The following DMD variants were observed in gnomAD, a reference collection of about 807,000 sequenced individuals.
The protein encoded by DMD is mutant dystrophin.
A neutral mutation model predicts 330.1 loss-of-function variants in DMD; 63 were observed. The ratio of observed to expected loss-of-function variants is 0.19; its 90% CI spans 0.16 to 0.24. The LOEUF (loss-of-function observed/expected upper bound fraction) is 0.24, where lower values mean the gene tolerates loss of function less well. Ranked by LOEUF, DMD falls within the 10% of genes least tolerant of loss-of-function variation. DMD has a pLI of 1.00. For synonymous variants in DMD, 1,223 were observed against 959.8 expected, an observed-to-expected ratio of 1.27 and a Z score of -5.07; for missense variants, 3,344 against 2,684.1, an observed-to-expected ratio of 1.25 and a Z score of -5.43.
At chrX:32,928,008 G>C (rs1789467872) in intron 2 of DMD, among the ~76,000 whole-genome samples, 1 of 110,907 alleles carries the variant, frequency 9.0e-6, no homozygotes, top group African/African-American at 3.3e-5. Context: ...TAGGACTTTA[G>C]CAAATATATA....
intron 53 of DMD, among the ~76,000 whole-genome samples, chrX:31,664,576 A>G (rs1386890863): frequency 2.1e-4 from 17 of 81,765 alleles, no homozygotes; most frequent in South Asian, 6.1e-4. Flanking sequence ...AATGTTCTCC[A>G]AAATTCTGTC....
At chrX:31,904,918 C>A (rs750528111) in intron 47 of DMD, among the ~76,000 whole-genome samples, 2 of 111,906 alleles carry the variant, frequency 1.8e-5, no homozygotes, top group East Asian at 5.6e-4. Context: ...ATATTATAAT[C>A]TTTTTAAGAA....
In DMD at chrX:32,552,819, G is replaced by A. The variant is rs180857556; in HGVS notation, c.1993-7485C>T. ...GAAAACATTCATATGAAAAAATGCT[G>A]AACATCAATAATCATTAGAGAAGTG... On this transcript the variant is annotated intron_variant, in intron 16 of 78. Transcript: ENST00000357033. Among the ~76,000 whole-genome samples the A allele has an allele frequency of 3.4e-3, 378 of 111,850 alleles. 3 individuals are homozygous for A. Among genetic ancestry groups the A allele is most frequent in the African/African-American group, 0.012 (363 of 30,817 alleles).
intron 2 of DMD, among the ~76,000 whole-genome samples, chrX:32,906,853 C>A (rs985566095): frequency 9.0e-6 from 1 of 111,055 alleles, no homozygotes; most frequent in Non-Finnish European, 1.9e-5. Context: ...AATTTGTAGG[C>A]CAAGCCAAAT....
At chrX:33,016,848 C>T (rs767599560) in intron 2 of DMD, among the ~76,000 whole-genome samples, 1 of 111,808 alleles carries the variant, frequency 8.9e-6, no homozygotes, top group South Asian at 3.6e-4. Flanking sequence ...CAAAACTGTA[C>T]TTCCCTTTAT....
intron 55 of DMD, among the ~76,000 whole-genome samples, chrX:31,595,113 A>C (rs2077053750): frequency 9.0e-6 from 1 of 111,652 alleles, no homozygotes; most frequent in Non-Finnish European, 1.9e-5. Context: ...TTAAAAGCTC[A>C]CTTAAATGTT....
intron 48 of DMD, among the ~76,000 whole-genome samples, chrX:31,852,726 T>C (rs2093550723): frequency 9.0e-6 from 1 of 111,669 alleles, no homozygotes; most frequent in Non-Finnish European, 1.9e-5. Flanking sequence ...CATCACATTG[T>C]ACCTCATAAA....
intron 1 of DMD, among the ~76,000 whole-genome samples, chrX:33,293,647 T>C (rs2053544891): frequency 1.8e-5 from 2 of 111,367 alleles, no homozygotes; most frequent in Non-Finnish European, 3.8e-5. Context: ...AGGATGTTCA[T>C]TTAAGCCCTC....
chrX:33,229,853 A>AT (rs1489364920), intron 1 of DMD, among the ~76,000 whole-genome samples: 4 of 112,374 alleles, frequency 3.6e-5, no homozygotes, highest in African/African-American at 1.3e-4. Context: ...TAATTTGGAG[A>AT]TAATTGACAT....
rs149452644 is a variant in DMD, at chrX:31,785,793, T to C, written c.7310-11601A>G. ...AAGGACACGAACGCATCCTTTTTTATGGCTGCATAGTATTCTATGGTGTAT... is the reference window on the plus strand; with the variant it reads ...AAGGACACGAACGCATCCTTTTTTACGGCTGCATAGTATTCTATGGTGTAT... On this transcript the variant is annotated intron_variant, in intron 50 of 78. Coordinates refer to ENST00000357033, the MANE Select transcript of DMD (RefSeq NM_004006.3). Among the ~76,000 whole-genome samples the C allele has an allele frequency of 4.6e-4, 51 of 112,001 alleles. No homozygotes were observed. The East Asian group carries it at 0.014, about 31-fold the overall frequency.
At chrX:32,637,485 A>G (rs143035592) in intron 11 of DMD, among the ~76,000 whole-genome samples, 1,942 of 111,890 alleles carry the variant, frequency 0.017, 36 homozygotes, top group African/African-American at 0.06. Flanking sequence ...CCAGTTCCAA[A>G]GTCACTTCCA....
chrX:32,834,932 C>A (rs2079480816), intron 4 of DMD, among the ~76,000 whole-genome samples: 2 of 111,001 alleles, frequency 1.8e-5, no homozygotes, highest in South Asian at 7.6e-4. Context: ...AGGACACAAG[C>A]TTGGAGAAAG....
intron 1 of DMD, among the ~76,000 whole-genome samples, chrX:33,292,998 G>T (rs912990137): frequency 1.3e-4 from 15 of 111,243 alleles, no homozygotes; most frequent in Admixed American, 5.8e-4. Context: ...ATTATCTCAT[G>T]TATCAGCTCA....
At chrX:32,353,377 C>T (rs1299462252) in intron 37 of DMD, among the ~76,000 whole-genome samples, 1 of 111,824 alleles carries the variant, frequency 8.9e-6, no homozygotes, top group Non-Finnish European at 1.9e-5. Flanking sequence ...TATAATTTAA[C>T]AGCTCATTCT....
intron 50 of DMD, among the ~76,000 whole-genome samples, chrX:31,774,578 T>A (rs1374067306): frequency 9.0e-6 from 1 of 111,399 alleles, no homozygotes; most frequent in Admixed American, 9.5e-5. Flanking sequence ...TTACTTATTT[T>A]TTTTTTATTC....
At chrX:31,416,340 T>C (rs2061871070) in intron 60 of DMD, among the ~76,000 whole-genome samples, 1 of 112,407 alleles carries the variant, frequency 8.9e-6, no homozygotes, top group South Asian at 3.7e-4. Flanking sequence ...AGGATCTCAT[T>C]AGTAAAATTT....
intron 65 of DMD, 128 bp downstream of exon 65, chrX:31,209,370 A>C: frequency 1.5e-6 from 1 of 675,559 alleles, no homozygotes; most frequent in Admixed American, 2.5e-5. Context: ...TGCAAAAATG[A>C]TTTATCACAG....
intron 45 of DMD, among the ~76,000 whole-genome samples, chrX:31,951,122 C>CATATATATATATAT (rs767693982): frequency 4.9e-4 from 32 of 65,339 alleles, no homozygotes; most frequent in African/African-American, 2.2e-3. Flanking sequence ...TATATATATA[C>CATATATATATATAT]ATATATATAT....
intron 34 of DMD, among the ~76,000 whole-genome samples, chrX:32,378,222 G>C (rs950240635): frequency 9.1e-6 from 1 of 110,013 alleles, no homozygotes; most frequent in Non-Finnish European, 1.9e-5. Context: ...GCGCCAATTT[G>C]TGGCTTTAAA....
Sources: allele counts gnomAD v4.1 joint callset (sites outside exome capture counted in the v4.1 genomes callset), GRCh38; gene constraint gnomAD v4.1.1; transcripts MANE v1.5; gene names NCBI Gene and HGNC (gene_info 2026-07-23, HGNC 2026-07-21).